PCDH7: variants seen among roughly 807,000 people sequenced by gnomAD.
PCDH7 encodes the protein protocadherin-7.
A neutral mutation model predicts 58.9 loss-of-function variants in PCDH7; 17 were observed. The ratio of observed to expected loss-of-function variants is 0.29; its 90% CI spans 0.20 to 0.43. The LOEUF (loss-of-function observed/expected upper bound fraction) is 0.43, where lower values mean the gene tolerates loss of function less well. Ranked by LOEUF, PCDH7 falls within the 20% of genes least tolerant of loss-of-function variation. The pLI is 1.00. For synonymous variants in PCDH7, 664 were observed against 616.4 expected (o/e 1.08, Z -1.14); for missense variants, 1,274 against 1,441.0 (o/e 0.88, Z 1.88).
In PCDH7 at chr4:30,722,752, C is replaced by T. The variant is rs62000979; in HGVS notation, c.1330C>T (p.Leu444=). ...CGTTCTGGTCGACACCCCCATCGCTCTGGTGCAGGTGTCCGACCGAGACCA... is the reference window on the plus strand; with the variant it reads ...CGTTCTGGTCGACACCCCCATCGCTTTGGTGCAGGTGTCCGACCGAGACCA... Residue 444 remains leucine, a synonymous_variant, in exon 1 of 2, where the codon CTG becomes TTG. Coordinates refer to ENST00000361762, the Ensembl canonical transcript of PCDH7. The surrounding 1 kb of genome is among the most constrained non-coding windows in gnomAD (Gnocchi z 7.6). 2 of 1,613,410 alleles carry T rather than the reference C, an allele frequency of 1.2e-6. No individual in the cohort carries two copies. Among genetic ancestry groups the T allele is most frequent in the Non-Finnish European group, 1.7e-6 (2 of 1,180,028 alleles).
intron 1 of PCDH7, among the ~76,000 whole-genome samples, chr4:30,805,016 G>C (rs1444932255): frequency 6.6e-6 from 1 of 152,150 alleles, no homozygotes; most frequent in East Asian, 1.9e-4. Flanking sequence ...GAATCTAGCT[G>C]TCAATTCTGT....
intron 1 of PCDH7, among the ~76,000 whole-genome samples, chr4:30,886,717 C>T (rs1383033996): frequency 6.6e-6 from 1 of 151,550 alleles, no homozygotes; most frequent in Non-Finnish European, 1.5e-5. Context: ...AGACTTGGAA[C>T]CAACTCAAAC....
intron 3 of PCDH7, among the ~76,000 whole-genome samples, chr4:31,100,392 G>A (rs1714753542): frequency 6.6e-6 from 1 of 152,152 alleles, no homozygotes; most frequent in South Asian, 2.1e-4. Context: ...AGATACAGAT[G>A]AGATAATCAA....
intron 3 of PCDH7, among the ~76,000 whole-genome samples, chr4:31,076,557 T>G (rs1759008218): frequency 6.6e-6 from 1 of 152,196 alleles, no homozygotes; most frequent in Non-Finnish European, 1.5e-5. Flanking sequence ...ATCTTTATAC[T>G]TATAAAGTTT....
rs923539802 is a variant in PCDH7, at chr4:30,916,238, C to T, written c.71-3915C>T. Among the ~76,000 whole-genome samples, 9 of 152,298 alleles carry T rather than the reference C, an allele frequency of 5.9e-5. 1 individual carries two copies. Among genetic ancestry groups the T allele is most frequent in the African/African-American group, 4.8e-5 (2 of 41,578 alleles). ...ACTACCTTCTCTCAGCCTTACCTCT[C>T]GCTAGGTAAATATTTCATTATACTT... is the stretch of plus-strand genomic sequence containing the variant. On this transcript the variant is annotated intron_variant, in intron 1 of 3. Transcript: ENST00000509759.
At chr4:31,069,094 G>A (rs1042580662) in intron 3 of PCDH7, among the ~76,000 whole-genome samples, 13 of 151,832 alleles carry the variant, frequency 8.6e-5, no homozygotes, top group Admixed American at 2.0e-4. Flanking sequence ...TGTTATGTTC[G>A]AGCTAAATGC....
At chr4:30,884,419 A>G (rs146001746) in intron 1 of PCDH7, 14 of 152,228 alleles carry the variant, frequency 9.2e-5, no homozygotes, top group African/African-American at 3.4e-4. Flanking sequence ...CAGATTATTG[A>G]ATTATACTAC....
rs141004997 is a variant in PCDH7, at chr4:30,925,143, T to C, written c.287+4774T>C. 2.0e-3 allele frequency among the ~76,000 whole-genome samples: 310 copies of C among 152,330 alleles called. 1 individual carries two copies. Among genetic ancestry groups the C allele is most frequent in the South Asian group, 3.3e-3 (16 of 4,832 alleles). ...ATTTCCTTCATCTCTTCATTCTACA[T>C]GCATTATACCTTGTCCTTGATTATT... On this transcript the variant is annotated intron_variant, in intron 2 of 3. Coordinates refer to the PCDH7 transcript ENST00000509759.
intron 3 of PCDH7, among the ~76,000 whole-genome samples, chr4:31,130,981 A>G (rs1263660572): frequency 6.6e-6 from 1 of 152,114 alleles, no homozygotes; most frequent in African/African-American, 2.4e-5. Flanking sequence ...TTACCATGTT[A>G]CCTAACATAT....
intron 3 of PCDH7, among the ~76,000 whole-genome samples, chr4:31,128,121 A>T (rs541217314): frequency 1.2e-4 from 18 of 151,540 alleles, no homozygotes; most frequent in Non-Finnish European, 2.5e-4. Flanking sequence ...ATATACACAT[A>T]TATATGTATG....
chr4:31,035,221 C>CATCTATGTT (rs1331845229), intron 3 of PCDH7, among the ~76,000 whole-genome samples: 3 of 149,042 alleles, frequency 2.0e-5, no homozygotes, highest in Non-Finnish European at 4.5e-5. Flanking sequence ...CCTCAGCAAG[C>CATCTATGTT]ATCTATGTTT....
At chr4:31,091,574 A>G (rs1713255313) in intron 3 of PCDH7, among the ~76,000 whole-genome samples, 1 of 151,874 alleles carries the variant, frequency 6.6e-6, no homozygotes, top group African/African-American at 2.4e-5. Flanking sequence ...TAATTGGTTT[A>G]AGGTCTGTAT....
At chr4:31,033,403 C>T (rs1165146119) in intron 3 of PCDH7, among the ~76,000 whole-genome samples, 2 of 152,068 alleles carry the variant, frequency 1.3e-5, no homozygotes, top group Non-Finnish European at 2.9e-5. Flanking sequence ...GATAGCATTT[C>T]AATGCATTGT....
intron 2 of PCDH7, among the ~76,000 whole-genome samples, chr4:30,939,048 G>A (rs1310934022): frequency 6.6e-6 from 1 of 152,038 alleles, no homozygotes; most frequent in Non-Finnish European, 1.5e-5. Context: ...ATTTCTAAAT[G>A]TCCTTTACAC....
At chr4:30,831,019 A>G (rs1430221587) in intron 1 of PCDH7, among the ~76,000 whole-genome samples, 1 of 152,048 alleles carries the variant, frequency 6.6e-6, no homozygotes, top group Admixed American at 6.6e-5. Flanking sequence ...ATCAAAAATA[A>G]TTTTCTGAAA....
At chr4:31,073,126 A>G (rs1186741875) in intron 3 of PCDH7, among the ~76,000 whole-genome samples, 1 of 152,166 alleles carries the variant, frequency 6.6e-6, no homozygotes, top group East Asian at 1.9e-4. Flanking sequence ...TGAAATAAGT[A>G]TTTGTAAATG....
At chr4:30,845,378 C>T (rs1183914767) in intron 1 of PCDH7, among the ~76,000 whole-genome samples, 1 of 152,000 alleles carries the variant, frequency 6.6e-6, no homozygotes, top group Admixed American at 6.6e-5. Context: ...AGGAAATTTG[C>T]TTAGTATGCA....
At chr4:30,870,519 A>T (rs778518380) in intron 1 of PCDH7, among the ~76,000 whole-genome samples, 3 of 152,088 alleles carry the variant, frequency 2.0e-5, no homozygotes, top group African/African-American at 4.8e-5. Flanking sequence ...AAATTTTTGT[A>T]TTTGTTATCT....
intron 3 of PCDH7, among the ~76,000 whole-genome samples, chr4:30,963,739 A>G (rs1748707061): frequency 1.3e-5 from 2 of 152,316 alleles, no homozygotes; most frequent in Non-Finnish European, 2.9e-5. Flanking sequence ...AAGAGGAAAC[A>G]GCACAACCAA....
Sources: allele counts gnomAD v4.1 joint callset (sites outside exome capture counted in the v4.1 genomes callset), GRCh38; gene constraint gnomAD v4.1.1; non-coding constraint Gnocchi (gnomAD v3.1); transcripts MANE v1.5; gene names NCBI Gene and HGNC (gene_info 2026-07-23, HGNC 2026-07-21).